The following DSCAML1 variants were observed in gnomAD, a reference collection of about 807,000 sequenced individuals.
The protein encoded by DSCAML1 is DS cell adhesion molecule like 1.
DSCAML1 carries 38 observed loss-of-function variants against 200.5 expected under a neutral mutation model. The ratio of observed to expected loss-of-function variants is 0.19; its 90% CI spans 0.15 to 0.25. The LOEUF (loss-of-function observed/expected upper bound fraction) is 0.25. Ranked by LOEUF, DSCAML1 falls within the 10% of genes least tolerant of loss-of-function variation. DSCAML1 has a pLI of 1.00. For missense variants in DSCAML1, 2,223 were observed against 2,858.8 expected (o/e 0.78, Z 5.07); for synonymous variants, 1,215 against 1,165.0 (o/e 1.04, Z -0.87).
At chr11:117,461,697 G>A in intron 17 of DSCAML1, 101 bp from the exon 18 acceptor site, 4 of 1,203,322 alleles carry the variant, frequency 3.3e-6, no homozygotes, top group Middle Eastern at 2.9e-4. Context: ...CCAACCAGAG[G>A]AGCGTCCAGT....
chr11:117,432,558 C>G (rs2047823808), intron 29 of DSCAML1, 54 bp from the exon 30 acceptor site: 1 of 1,543,254 alleles, frequency 6.5e-7, no homozygotes, highest in Non-Finnish European at 8.8e-7. Context: ...TTTTAAAGCT[C>G]TTTTGGATGT....
rs143783999 is a variant in DSCAML1, at chr11:117,587,841, A to G, written c.512-55319T>C. ...TCAGCTGCAGAGTGAGCTCCCTCCCAGGGGTGTGGGGAGAGCTGTGTTCTG... is the reference window on the plus strand; with the variant it reads ...TCAGCTGCAGAGTGAGCTCCCTCCCGGGGGTGTGGGGAGAGCTGTGTTCTG... On this transcript the variant is annotated intron_variant, in intron 3 of 32. Coordinates refer to ENST00000651296, the MANE Select transcript of DSCAML1 (RefSeq NM_020693.4). Among the ~76,000 whole-genome samples the G allele has an allele frequency of 8.5e-3, 1,288 of 152,224 alleles. 15 individuals carry two copies. The highest frequency in any genetic ancestry group is 0.03 in the African/African-American group (1,238 of 41,518).
At chr11:117,722,660 A>G (rs2054059961) in intron 3 of DSCAML1, among the ~76,000 whole-genome samples, 1 of 152,176 alleles carries the variant, frequency 6.6e-6, no homozygotes. Flanking sequence ...ATACAATTGT[A>G]TGGCAACTAA....
intron 3 of DSCAML1, among the ~76,000 whole-genome samples, chr11:117,708,363 T>C (rs539413579): frequency 6.6e-6 from 1 of 152,350 alleles, no homozygotes; most frequent in South Asian, 2.1e-4. Flanking sequence ...TGCTGTCAAG[T>C]GTTCCCTGAT....
In DSCAML1 at chr11:117,671,708, G is replaced by A. The variant is rs939976606; in HGVS notation, c.511+105083C>T. 5.3e-5 allele frequency among the ~76,000 whole-genome samples: 8 copies of A among 152,304 alleles called. No homozygotes were observed. The East Asian group carries it at 1.2e-3, about 22-fold the overall frequency. On this transcript the variant is annotated intron_variant, in intron 3 of 32. Coordinates refer to ENST00000651296, the MANE Select transcript of DSCAML1 (RefSeq NM_020693.4). ...CAGTCAAAAGCAATGCTCAGATCCT[G>A]GGACATGGAAGCAAATAAAAATAGA...
Position 117,744,166 on chromosome 11 carries a change from T to C in DSCAML1, c.511+32625A>G, listed in dbSNP as rs183018822. Among the ~76,000 whole-genome samples the C allele has an allele frequency of 4.3e-4, 65 of 152,354 alleles. 1 individual carries two copies. The highest frequency in any genetic ancestry group is 1.5e-3 in the African/African-American group (64 of 41,578). Reference sequence around the variant, plus strand: ...TCTCATTTAAATCTCACAACAACCCTGCAAGGTAAGTACTGTTATTATCCT... The same window carrying C: ...TCTCATTTAAATCTCACAACAACCCCGCAAGGTAAGTACTGTTATTATCCT... On this transcript the variant is annotated intron_variant, in intron 3 of 32. Transcript: ENST00000651296.
chr11:117,662,029 T>C (rs1232753525), intron 3 of DSCAML1, among the ~76,000 whole-genome samples: 1 of 152,190 alleles, frequency 6.6e-6, no homozygotes, highest in Non-Finnish European at 1.5e-5. Flanking sequence ...GGATGCAACT[T>C]GTTTCTTGCC....
intron 3 of DSCAML1, among the ~76,000 whole-genome samples, chr11:117,670,794 T>C (rs574838449): frequency 1.9e-4 from 29 of 152,290 alleles, no homozygotes; most frequent in Non-Finnish European, 3.8e-4. Context: ...ATTAAGACTT[T>C]GGGCAAAGGC....
chr11:117,685,760 G>C (rs905508389), intron 3 of DSCAML1, among the ~76,000 whole-genome samples: 4 of 152,200 alleles, frequency 2.6e-5, no homozygotes, highest in African/African-American at 9.7e-5. Context: ...CTGGTCCCAG[G>C]GGTGTGGCTA....
chr11:117,797,709 C>T (rs1038588493), upstream of DSCAML1, among the ~76,000 whole-genome samples: 2 of 152,024 alleles, frequency 1.3e-5, no homozygotes, highest in South Asian at 2.1e-4. Context: ...CCCCTCGTGA[C>T]TTCCGCAAGC....
chr11:117,674,043 G>A (rs529388464), intron 3 of DSCAML1, among the ~76,000 whole-genome samples: 8 of 152,238 alleles, frequency 5.3e-5, no homozygotes, highest in Middle Eastern at 3.4e-3. Context: ...GGTTTCCCTC[G>A]ATCCCCGCAC....
At chr11:117,694,970 C>A (rs1565879193) in intron 3 of DSCAML1, among the ~76,000 whole-genome samples, 1 of 152,238 alleles carries the variant, frequency 6.6e-6, no homozygotes, top group African/African-American at 2.4e-5. Context: ...ACTTGACCTT[C>A]AGCCTTTAGG....
At chr11:117,479,450 C>T (rs2048862951) in intron 14 of DSCAML1, among the ~76,000 whole-genome samples, 1 of 152,174 alleles carries the variant, frequency 6.6e-6, no homozygotes, top group South Asian at 2.1e-4. Context: ...CAGCTGTTTT[C>T]TTCTCACCCT....
Position 117,518,457 on chromosome 11 carries a change from G to T in DSCAML1, c.1510+9C>A. ...AAACCTATTCTGATATTTAAATGTA[G>T]ACAGGCACCTCTTACGTTTATTCGC... is the stretch of plus-strand genomic sequence containing the variant. On this transcript the variant is annotated intron_variant, in intron 7 of 32. Coordinates refer to ENST00000651296, the MANE Select transcript of DSCAML1 (RefSeq NM_020693.4). This position sits in a 1 kb window ranked among gnomAD's most constrained non-coding sequence, Gnocchi z 6.3. 2 of 1,614,076 alleles carry T rather than the reference G, an allele frequency of 1.2e-6. No homozygotes were observed. Among genetic ancestry groups the T allele is most frequent in the South Asian group, 2.2e-5 (2 of 91,048 alleles).
chr11:117,464,634 C>G (rs2048543013), intron 17 of DSCAML1, among the ~76,000 whole-genome samples: 2 of 152,030 alleles, frequency 1.3e-5, no homozygotes, highest in African/African-American at 4.8e-5. Flanking sequence ...GGAGGAAGGC[C>G]AAGGGAGAAG....
intron 19 of DSCAML1, among the ~76,000 whole-genome samples, chr11:117,454,421 C>G (rs959827408): frequency 1.3e-4 from 20 of 152,240 alleles, no homozygotes; most frequent in Admixed American, 2.6e-4. Flanking sequence ...ATATCTTCAA[C>G]TGTGTTTAAT....
At chr11:117,543,142 G>C (rs1208521714) in intron 3 of DSCAML1, among the ~76,000 whole-genome samples, 1 of 152,208 alleles carries the variant, frequency 6.6e-6, no homozygotes, top group East Asian at 1.9e-4. Context: ...GATCTCACAG[G>C]CTAGTGCAGA....
intron 8 of DSCAML1, among the ~76,000 whole-genome samples, chr11:117,509,066 C>T (rs2049565395): frequency 6.6e-6 from 1 of 152,130 alleles, no homozygotes; most frequent in Non-Finnish European, 1.5e-5. Flanking sequence ...CACACTTCAG[C>T]TACAGACGGA....
At chr11:117,483,058 G>A (rs10892122) in intron 11 of DSCAML1, among the ~76,000 whole-genome samples, 18,413 of 152,220 alleles carry the variant, frequency 0.12, 1,286 homozygotes, top group South Asian at 0.2. Context: ...GGAAGCCCCC[G>A]TCCCTACTGC....
Sources: allele counts gnomAD v4.1 joint callset (sites outside exome capture counted in the v4.1 genomes callset), GRCh38; gene constraint gnomAD v4.1.1; non-coding constraint Gnocchi (gnomAD v3.1); transcripts MANE v1.5; gene names NCBI Gene and HGNC (gene_info 2026-07-23, HGNC 2026-07-21).